Variants in PTH1R observed in about 807,000 individuals in gnomAD.
The protein encoded by PTH1R is parathyroid hormone 1 receptor.
A neutral mutation model predicts 70.7 loss-of-function variants in PTH1R; 32 were observed. The ratio of observed to expected loss-of-function variants is 0.45; its 90% CI spans 0.34 to 0.61. PTH1R has a LOEUF of 0.61. PTH1R is among the 20% of genes least tolerant of loss of function. The pLI is 0.01. For missense variants in PTH1R, 626 were observed against 792.5 expected (o/e 0.79, Z 2.52); for synonymous variants, 329 against 324.8 (o/e 1.01, Z -0.14).
chr3:46,899,217 C>T, intron 9 of PTH1R, 86 bp from the exon 10 acceptor site: 3 of 1,581,702 alleles, frequency 1.9e-6, no homozygotes, highest in Non-Finnish European at 2.6e-6. Flanking sequence ...ACCACTTGTC[C>T]TCTCCTGCCG....
intron 2 of PTH1R, among the ~76,000 whole-genome samples, chr3:46,881,378 C>T (rs2030549234): frequency 6.6e-6 from 1 of 152,208 alleles, no homozygotes; most frequent in African/African-American, 2.4e-5. Flanking sequence ...CTCCTCCTTG[C>T]CTTCCCCTAA....
At chr3:46,900,651 A>G (rs180690542) in intron 10 of PTH1R, among the ~76,000 whole-genome samples, 13 of 152,250 alleles carry the variant, frequency 8.5e-5, no homozygotes, top group Admixed American at 8.5e-4. Flanking sequence ...GCAAAAAAAA[A>G]TGCGGAAAAT....
At position 46,896,071 on chromosome 3, in the gene PTH1R, G is replaced by C. The variant is rs2031733333; in HGVS notation, c.313+202G>C. 6.6e-6 allele frequency among the ~76,000 whole-genome samples: 1 copy of C among 152,174 alleles called. No individual in the cohort carries two copies. Among genetic ancestry groups the C allele is most frequent in the Non-Finnish European group, 1.5e-5 (1 of 68,032 alleles). On this transcript the variant is annotated intron_variant, in intron 5 of 15. Coordinates refer to ENST00000449590, the MANE Select transcript of PTH1R (RefSeq NM_000316.3). This position sits in a 1 kb window ranked among gnomAD's most constrained non-coding sequence, Gnocchi z 4.1. ...CTAGATGGCTCAGGCCTCAGAAAGA[G>C]ATGAACAGAGAACTCTCCAGCACCA...
intron 3 of PTH1R, among the ~76,000 whole-genome samples, chr3:46,887,476 A>G (rs530569166): frequency 0.017 from 2,545 of 150,164 alleles, 39 homozygotes; most frequent in Middle Eastern, 0.031. Flanking sequence ...AAAAAAAAAA[A>G]AGAGAGAGAG....
chr3:46,901,131 T>C lies in PTH1R; in HGVS notation c.1049+46T>C, dbSNP rs1185275312. On this transcript the variant is annotated intron_variant, in intron 11 of 15. Transcript: ENST00000449590. The surrounding 1 kb of genome is among the most constrained non-coding windows in gnomAD (Gnocchi z 7.3). ...GGCCCAGGCAAGAAGCACCCCTGGG[T>C]CCCTTTTCTTCCAGGAAGCATGTGA... 6.5e-7 allele frequency: 1 copy of C among 1,546,656 alleles called. No individual in the cohort carries two copies. Among genetic ancestry groups the C allele is most frequent in the Non-Finnish European group, 8.8e-7 (1 of 1,141,658 alleles).
In PTH1R at chr3:46,896,815, A is replaced by T. The variant is rs1213394739; in HGVS notation, c.313+946A>T. Among the ~76,000 whole-genome samples, 1 of 152,184 alleles carries T rather than the reference A, an allele frequency of 6.6e-6. No homozygotes were observed. The highest frequency in any genetic ancestry group is 1.5e-5 in the Non-Finnish European group (1 of 68,008). ...CTCCCTGCAGTGAGGCTGGGGCTCC[A>T]AAGTGGGATGTCACCCTACTTTGAA... On this transcript the variant is annotated intron_variant, in intron 5 of 15. Coordinates refer to ENST00000449590, the MANE Select transcript of PTH1R (RefSeq NM_000316.3). This position sits in a 1 kb window ranked among gnomAD's most constrained non-coding sequence, Gnocchi z 4.1.
intron 3 of PTH1R, among the ~76,000 whole-genome samples, chr3:46,886,691 A>G (rs1424498675): frequency 1.3e-5 from 2 of 152,202 alleles, no homozygotes; most frequent in Non-Finnish European, 2.9e-5. Context: ...AGAAGCCAAC[A>G]TGTACAGAAC....
In PTH1R at chr3:46,902,278, C is replaced by T. The variant is rs1027055839; in HGVS notation, c.1212-248C>T. On this transcript the variant is annotated intron_variant, in intron 13 of 15. Transcript: ENST00000449590. This position sits in a 1 kb window ranked among gnomAD's most constrained non-coding sequence, Gnocchi z 5.4. ...TTGCCAGCTGAGGGCTCCACAGGTG[C>T]GAAGGGCCCAGGGACAGGGGGACTG... is the stretch of plus-strand genomic sequence containing the variant. 5.9e-5 allele frequency among the ~76,000 whole-genome samples: 9 copies of T among 152,128 alleles called. No individual in the cohort carries two copies. The highest frequency in any genetic ancestry group is 1.3e-4 in the Non-Finnish European group (9 of 68,030).
Position 46,892,621 on chromosome 3 carries a change from C to A in PTH1R, c.76-1286C>A. The A allele has an allele frequency of 2.1e-6, 1 of 480,574 alleles. No individual in the cohort carries two copies. Among genetic ancestry groups the A allele is most frequent in the Non-Finnish European group, 2.7e-6 (1 of 366,686 alleles). 29.8% of individuals were successfully genotyped at this position (480,574 alleles called of 1,614,324 possible). ...CGGTCAATTAACTTCTCCCTGCAGC[C>A]AGGCTCTCTGACCCGGCCTGCCCGC... On this transcript the variant is annotated intron_variant, in intron 3 of 15. Transcript: ENST00000449590. The surrounding 1 kb of genome is among the most constrained non-coding windows in gnomAD (Gnocchi z 5.2).
In PTH1R at chr3:46,902,737, C is replaced by T. The variant is rs1559539060; in HGVS notation, c.1354-12C>T. ...CGGGGGCAGGCCTGATTCGAGACAC[C>T]CCTCTTCACAGGGATTTTTTGTCGC... On this transcript the variant is annotated splice_polypyrimidine_tract_variant and intron_variant, in intron 14 of 15. Coordinates refer to ENST00000449590, the MANE Select transcript of PTH1R (RefSeq NM_000316.3). The surrounding 1 kb of genome is among the most constrained non-coding windows in gnomAD (Gnocchi z 5.4). The T allele has an allele frequency of 6.2e-7, 1 of 1,613,972 alleles. No homozygotes were observed. Among genetic ancestry groups the T allele is most frequent in the Non-Finnish European group, 8.5e-7 (1 of 1,180,020 alleles).
rs200489970 is a variant in PTH1R at position 46,898,364 on chromosome 3, C to G, written c.544-14C>G. 6 of 1,613,058 alleles carry G rather than the reference C, an allele frequency of 3.7e-6. No individual in the cohort carries two copies. Among genetic ancestry groups the G allele is most frequent in the Non-Finnish European group, 5.1e-6 (6 of 1,179,212 alleles). ...TCCCAGGGCTCTGACTGTGTCTCCC[C>G]CCGCCCCGCACAGGAGGTGTTTGAC... is the stretch of plus-strand genomic sequence containing the variant. On this transcript the variant is annotated splice_polypyrimidine_tract_variant and intron_variant, in intron 7 of 15. Transcript: ENST00000449590.
At position 46,903,590 on chromosome 3, in the gene PTH1R, C is replaced by A. The variant is rs200062157; in HGVS notation, c.1716C>A (p.Asp572Glu). ...TCAACGGCTCCTGCTCAGGCCTGGA[C>A]GAGGAGGCCTCTGGGCCTGAGCGGC... The part of the protein sequence containing the change: ...GFLNGSCSGL[D>E]EEASGPERPP... The change falls in exon 16 of 16, where the codon GAC becomes GAA. Residue 572 changes from aspartate (D) to glutamate (E), a missense_variant. By Grantham distance (45) the Asp-to-Glu change is conservative. Coordinates refer to ENST00000449590, the MANE Select transcript of PTH1R (RefSeq NM_000316.3). The surrounding 1 kb of genome is among the most constrained non-coding windows in gnomAD (Gnocchi z 4.4). 2 of 1,613,578 alleles carry A rather than the reference C, an allele frequency of 1.2e-6. No individual in the cohort carries two copies. Among genetic ancestry groups the A allele is most frequent in the Non-Finnish European group, 1.7e-6 (2 of 1,180,008 alleles).
rs1488941110 is a variant in PTH1R, at chr3:46,883,082, T to G, written c.-48-430T>G. 7.4e-6 allele frequency among the ~76,000 whole-genome samples: 1 copy of G among 136,042 alleles called. No homozygotes were observed. Among genetic ancestry groups the G allele is most frequent in the African/African-American group, 2.8e-5 (1 of 35,760 alleles). The allele number at this position is 136,042 out of a possible 152,430, so 89.2% of individuals were successfully genotyped here. ...CCCCGCAGACCGCGACCCCGACCCC[T>G]CCCCCGCCCCCTCCCCCCACTGGGC... On this transcript the variant is annotated intron_variant, in intron 2 of 15. Transcript: ENST00000449590. The surrounding 1 kb of genome is among the most constrained non-coding windows in gnomAD (Gnocchi z 6.4).
chr3:46,901,849 G>A lies in PTH1R; in HGVS notation c.1200G>A (p.Arg400=), dbSNP rs777034738. Residue 400 remains arginine, a synonymous_variant, in exon 13 of 16, where the codon CGG becomes CGA. Coordinates refer to ENST00000449590, the MANE Select transcript of PTH1R (RefSeq NM_000316.3). The surrounding 1 kb of genome is among the most constrained non-coding windows in gnomAD (Gnocchi z 7.3). ...CCAACGCCGGCCGGTGTGACACACG[G>A]CAGCAGTACCGGTGAGCCCACCATG... ...RETNAGRCDT[R]QQYRKLLKST... The A allele has an allele frequency of 6.2e-7, 1 of 1,613,700 alleles. No homozygotes were observed. Among genetic ancestry groups the A allele is most frequent in the South Asian group, 1.1e-5 (1 of 91,078 alleles).
chr3:46,878,283 G>A (rs528881184), intron 1 of PTH1R, among the ~76,000 whole-genome samples: 18 of 152,320 alleles, frequency 1.2e-4, no homozygotes, highest in African/African-American at 4.3e-4. Flanking sequence ...GTGGCACCTC[G>A]CTTCACTTAT....
At chr3:46,885,255 T>A (rs925782834) in intron 3 of PTH1R, among the ~76,000 whole-genome samples, 5 of 152,168 alleles carry the variant, frequency 3.3e-5, no homozygotes, top group Non-Finnish European at 7.3e-5. Context: ...TCTGAAGTTG[T>A]GGTGCATGAC....
intron 5 of PTH1R, among the ~76,000 whole-genome samples, chr3:46,897,502 C>A (rs1248214376): frequency 6.6e-6 from 1 of 152,166 alleles, no homozygotes; most frequent in Non-Finnish European, 1.5e-5. Context: ...GAGGCCGAGG[C>A]AGGCAGATCA....
At position 46,901,848 on chromosome 3, in the gene PTH1R, G is replaced by A. The variant is rs146564514; in HGVS notation, c.1199G>A (p.Arg400Gln). Reference sequence around the variant, plus strand: ...ACCAACGCCGGCCGGTGTGACACACGGCAGCAGTACCGGTGAGCCCACCAT... The same window carrying A: ...ACCAACGCCGGCCGGTGTGACACACAGCAGCAGTACCGGTGAGCCCACCAT... ...RETNAGRCDT[R>Q]QQYRKLLKST... The change falls in exon 13 of 16, where the codon CGG (arginine) becomes CAG (glutamine). Residue 400 changes from arginine (R) to glutamine (Q), a missense_variant. Around this residue, in one of 3 missense-constraint regions of PTH1R, gnomAD observed 495 missense variants for 638.7 expected, o/e 0.77. Coordinates refer to ENST00000449590, the MANE Select transcript of PTH1R (RefSeq NM_000316.3). This position sits in a 1 kb window ranked among gnomAD's most constrained non-coding sequence, Gnocchi z 7.3. 17 of 1,613,534 alleles carry A rather than the reference G, an allele frequency of 1.1e-5. No homozygotes were observed. Among genetic ancestry groups the A allele is most frequent in the African/African-American group, 2.7e-5 (2 of 74,908 alleles).
In PTH1R at chr3:46,902,931, A is replaced by T. The variant is rs765678744; in HGVS notation, c.1395+141A>T. On this transcript the variant is annotated intron_variant, in intron 15 of 15. Transcript: ENST00000449590. This position sits in a 1 kb window ranked among gnomAD's most constrained non-coding sequence, Gnocchi z 5.4. The stretch of plus-strand genomic sequence containing the variant: ...CCCTGAGGACATTCTGAAAGCAGAG[A>T]AGTCTTTCCAGATGATGCAGGTTCA... 7.8e-7 allele frequency: 1 copy of T among 1,287,176 alleles called. No individual in the cohort carries two copies. The highest frequency in any genetic ancestry group is 1.1e-6 in the Non-Finnish European group (1 of 899,586). 79.7% of individuals were successfully genotyped at this position (1,287,176 alleles called of 1,614,324 possible).
Sources: gnomAD v4.1 joint callset for allele counts (sites outside exome capture counted in the v4.1 genomes callset) on GRCh38, gnomAD v4.1.1 for gene constraint, gnomAD v4.1.1 regional missense constraint, Gnocchi (gnomAD v3.1) non-coding constraint, MANE v1.5 for transcripts, NCBI Gene and HGNC (gene_info 2026-07-23, HGNC 2026-07-21) for gene names.